The following EML6 variants were observed in gnomAD, a reference collection of about 807,000 sequenced individuals.
EML6 encodes the protein echinoderm microtubule-associated protein-like 6.
In EML6, 154 loss-of-function variants were observed where a neutral mutation model predicts 240.1. That is an observed-to-expected ratio of 0.64 (90% CI 0.56 to 0.73). EML6 has a LOEUF of 0.73. EML6 is among the 30% of genes least tolerant of loss of function. EML6 has a pLI of 0.00. For missense variants in EML6, 2,964 were observed against 2,474.6 expected, an observed-to-expected ratio of 1.20 and a Z score of -4.20; for synonymous variants, 1,148 against 899.0, an observed-to-expected ratio of 1.28 and a Z score of -4.95.
intron 26 of EML6, among the ~76,000 whole-genome samples, chr2:54,924,628 C>T (rs1037208351): frequency 1.3e-5 from 2 of 152,156 alleles, no homozygotes; most frequent in African/African-American, 4.8e-5. Flanking sequence ...ATGGCGTGAT[C>T]TCGGCTCACT....
chr2:54,953,943 T>C, intron 31 of EML6, 40 bp from the exon 32 acceptor site: 15 of 1,491,996 alleles, frequency 1.0e-5, no homozygotes, highest in Non-Finnish European at 1.4e-5. Context: ...GCTCTGCCAT[T>C]TGTCAGCCTT....
chr2:54,928,109 T>C (rs768544724), intron 26 of EML6, among the ~76,000 whole-genome samples: 53 of 152,164 alleles, frequency 3.5e-4, no homozygotes, highest in Admixed American at 3.3e-4. Flanking sequence ...CTCAAAAATA[T>C]ATTGAGGACC....
At chr2:54,955,233 T>C (rs1407832257) in intron 32 of EML6, among the ~76,000 whole-genome samples, 1 of 152,202 alleles carries the variant, frequency 6.6e-6, no homozygotes, top group Admixed American at 6.5e-5. Flanking sequence ...TGATGTCAAG[T>C]GGCCAACTGA....
chr2:54,782,265 T>TAAACAAAA (rs1668887085), intron 2 of EML6, among the ~76,000 whole-genome samples: 2 of 152,238 alleles, frequency 1.3e-5, no homozygotes, highest in South Asian at 4.1e-4. Flanking sequence ...TCCCTAATAG[T>TAAACAAAA]AAACAAAACC....
chr2:54,845,342 T>C (rs1032293958), intron 8 of EML6, among the ~76,000 whole-genome samples: 10 of 152,356 alleles, frequency 6.6e-5, no homozygotes, highest in African/African-American at 1.9e-4. Context: ...TTCCCGCTTA[T>C]TCAGACACGT....
rs565785833 is a variant in EML6 at position 54,875,012 on chromosome 2, G to A, written c.2344+3407G>A. Reference sequence around the variant, plus strand: ...CCTAGGTGTCAGGCCTCCTCCAGCCGCTTCCCTTTGCCGATGCTAGTGTGT... The same window carrying A: ...CCTAGGTGTCAGGCCTCCTCCAGCCACTTCCCTTTGCCGATGCTAGTGTGT... On this transcript the variant is annotated intron_variant, in intron 16 of 41. Coordinates refer to ENST00000356458, the MANE Select transcript of EML6 (RefSeq NM_001039753.4). Among the ~76,000 whole-genome samples, 5 of 152,212 alleles carry A rather than the reference G, an allele frequency of 3.3e-5. No individual in the cohort carries two copies. The South Asian group carries it at 6.2e-4, about 19-fold the overall frequency.
In EML6 at chr2:54,961,189, T is replaced by G. The variant is rs1004309469; in HGVS notation, c.4968+855T>G. ...CTGGAAGTTATCAGGAAGTAGTTTTTTTTTTTTTTTTTTTGAGACGGAGTC... is the reference window on the plus strand; with the variant it reads ...CTGGAAGTTATCAGGAAGTAGTTTTGTTTTTTTTTTTTTTGAGACGGAGTC... On this transcript the variant is annotated intron_variant, in intron 35 of 41. Transcript: ENST00000356458. Among the ~76,000 whole-genome samples, 6 of 108,030 alleles carry G rather than the reference T, an allele frequency of 5.6e-5. 1 individual carries two copies. Among genetic ancestry groups the G allele is most frequent in the Admixed American group, 9.9e-5 (1 of 10,130 alleles). 70.9% of individuals were successfully genotyped at this position (108,030 alleles called of 152,430 possible).
At chr2:54,907,989 A>G (rs901598722) in intron 24 of EML6, among the ~76,000 whole-genome samples, 1 of 140,428 alleles carries the variant, frequency 7.1e-6, no homozygotes, top group Admixed American at 7.1e-5. Flanking sequence ...AGATAGATAG[A>G]TAGATAGATA....
intron 2 of EML6, among the ~76,000 whole-genome samples, chr2:54,808,367 A>T (rs558549614): frequency 6.6e-6 from 1 of 152,252 alleles, no homozygotes; most frequent in South Asian, 2.1e-4. Flanking sequence ...TCCCCCTTCA[A>T]TCCCCAAAGC....
intron 7 of EML6, among the ~76,000 whole-genome samples, chr2:54,832,289 C>G (rs1434872075): frequency 1.3e-5 from 2 of 152,232 alleles, no homozygotes; most frequent in Non-Finnish European, 1.5e-5. Flanking sequence ...GAATCCCTCT[C>G]TAAGGTGCTC....
chr2:54,952,556 G>T lies in EML6; in HGVS notation c.4214-38G>T, dbSNP rs781548427. 5.5e-5 allele frequency: 77 copies of T among 1,405,316 alleles called. 1 individual carries two copies. Among genetic ancestry groups the T allele is most frequent in the Non-Finnish European group, 5.9e-5 (60 of 1,019,152 alleles). 87.1% of individuals were successfully genotyped at this position (1,405,316 alleles called of 1,614,324 possible). On this transcript the variant is annotated intron_variant, in intron 30 of 41. Coordinates refer to ENST00000356458, the MANE Select transcript of EML6 (RefSeq NM_001039753.4). Reference sequence around the variant, plus strand: ...TGAAGTTGCCCTAAAAGGTCTTTAGGTTCCACTGTTCACCCTCCCATGATC... The same window carrying T: ...TGAAGTTGCCCTAAAAGGTCTTTAGTTTCCACTGTTCACCCTCCCATGATC...
chr2:54,958,329 C>T (rs1676332215), intron 33 of EML6, among the ~76,000 whole-genome samples: 1 of 151,828 alleles, frequency 6.6e-6, no homozygotes, highest in South Asian at 2.1e-4. Context: ...GTAGCTGGGA[C>T]TATAGGCACC....
At chr2:54,835,491 C>A (rs1669094074) in intron 7 of EML6, among the ~76,000 whole-genome samples, 1 of 152,136 alleles carries the variant, frequency 6.6e-6, no homozygotes, top group African/African-American at 2.4e-5. Flanking sequence ...AGCTTGCACT[C>A]CAAGGGCCAA....
intron 12 of EML6, among the ~76,000 whole-genome samples, chr2:54,861,213 C>G (rs1255763415): frequency 6.6e-6 from 1 of 152,210 alleles, no homozygotes; most frequent in African/African-American, 2.4e-5. Flanking sequence ...AGTGATAAAT[C>G]TAAGCCTACC....
chr2:54,844,355 C>A (rs777048477), intron 8 of EML6, 107 bp downstream of exon 8: 1 of 847,816 alleles, frequency 1.2e-6, no homozygotes, highest in East Asian at 2.7e-5. Context: ...CACACAGTTT[C>A]CAAATGAAAC....
intron 2 of EML6, among the ~76,000 whole-genome samples, chr2:54,739,510 G>A (rs1683540041): frequency 6.6e-6 from 1 of 152,198 alleles, no homozygotes; most frequent in African/African-American, 2.4e-5. Context: ...AACCCTTAAG[G>A]AAAATGACTT....
At chr2:54,933,280 A>C (rs1674955790) in intron 28 of EML6, among the ~76,000 whole-genome samples, 1 of 152,170 alleles carries the variant, frequency 6.6e-6, no homozygotes, top group Admixed American at 6.5e-5. Flanking sequence ...CTTACCTTGG[A>C]AATAGTCACC....
chr2:54,911,432 ATTT>A (rs35753222), intron 25 of EML6, among the ~76,000 whole-genome samples: 1 of 145,248 alleles, frequency 6.9e-6, no homozygotes, highest in Non-Finnish European at 1.5e-5. Flanking sequence ...TAACAACAGA[ATTT>A]TTTTTTTTTT....
intron 2 of EML6, among the ~76,000 whole-genome samples, chr2:54,763,750 C>T (rs1040297858): frequency 6.6e-6 from 1 of 152,160 alleles, no homozygotes; most frequent in Non-Finnish European, 1.5e-5. Context: ...ACATTAATTT[C>T]ATCGGAAAAC....
Sources: gnomAD v4.1 joint callset for allele counts (sites outside exome capture counted in the v4.1 genomes callset) on GRCh38, gnomAD v4.1.1 for gene constraint, MANE v1.5 for transcripts, NCBI Gene and HGNC (gene_info 2026-07-23, HGNC 2026-07-21) for gene names.